LYPD6B: variants seen among roughly 807,000 people sequenced by gnomAD.
LYPD6B encodes LY6/PLAUR domain containing 6B, also known as ly6/PLAUR domain-containing protein 6B.
Under a neutral mutation model 22.8 loss-of-function variants are expected in LYPD6B, and 17 were observed. The ratio of observed to expected loss-of-function variants is 0.75; its 90% CI spans 0.51 to 1.12. The LOEUF (loss-of-function observed/expected upper bound fraction) is 1.12. Ranked by LOEUF, LYPD6B falls within the 50% of genes most tolerant of loss-of-function variation. LYPD6B has a pLI of 0.00. For missense variants in LYPD6B, 221 were observed against 258.3 expected, an observed-to-expected ratio of 0.86 and a Z score of 0.99; for synonymous variants, 106 against 91.6, an observed-to-expected ratio of 1.16 and a Z score of -0.90.
chr2:149,054,502 T>G (rs1683699800), intron 1 of LYPD6B, among the ~76,000 whole-genome samples: 1 of 152,214 alleles, frequency 6.6e-6, no homozygotes. Flanking sequence ...AGACCCTTAT[T>G]GGATATAAGA....
chr2:149,095,326 A>G (rs1685854305), intron 1 of LYPD6B, among the ~76,000 whole-genome samples: 2 of 152,192 alleles, frequency 1.3e-5, no homozygotes, highest in African/African-American at 2.4e-5. Context: ...AAATAAAGGC[A>G]AAAGTTGGAA....
At chr2:149,193,088 G>C (rs2106072968) in intron 3 of LYPD6B, among the ~76,000 whole-genome samples, 1 of 152,164 alleles carries the variant, frequency 6.6e-6, no homozygotes, top group Middle Eastern at 3.4e-3. Context: ...CGGGTACAGT[G>C]GGCTCCACAT....
chr2:149,108,808 A>G (rs1686622400), intron 1 of LYPD6B, among the ~76,000 whole-genome samples: 1 of 152,154 alleles, frequency 6.6e-6, no homozygotes, highest in Admixed American at 6.5e-5. Flanking sequence ...GTTTTTAAAA[A>G]ATAATTCCAT....
At chr2:149,184,707 A>G (rs1327827421) in intron 3 of LYPD6B, among the ~76,000 whole-genome samples, 1 of 151,902 alleles carries the variant, frequency 6.6e-6, no homozygotes, top group African/African-American at 2.4e-5. Flanking sequence ...CTGCACTCCA[A>G]CCTCTGTCTC....
At position 149,188,128 on chromosome 2, in the gene LYPD6B, G is replaced by T. The variant is rs949340949; in HGVS notation, c.78-17125G>T. Reference sequence around the variant, plus strand: ...GGGTACAGCATTCCTAGTTTCTTTTGCTCACCTGTATGGATGTTGTGAAGA... The same window carrying T: ...GGGTACAGCATTCCTAGTTTCTTTTTCTCACCTGTATGGATGTTGTGAAGA... On this transcript the variant is annotated intron_variant, in intron 3 of 6. Coordinates refer to ENST00000409642, the MANE Select transcript of LYPD6B (RefSeq NM_177964.5). 2.0e-5 allele frequency among the ~76,000 whole-genome samples: 3 copies of T among 152,088 alleles called. No homozygotes were observed. The South Asian group carries it at 6.2e-4, about 32-fold the overall frequency.
chr2:149,049,340 C>T (rs1284663027), intron 1 of LYPD6B, among the ~76,000 whole-genome samples: 3 of 152,194 alleles, frequency 2.0e-5, no homozygotes, highest in African/African-American at 7.2e-5. Context: ...AGTATATGAG[C>T]ATGTGTGCAT....
intron 1 of LYPD6B, among the ~76,000 whole-genome samples, chr2:149,059,868 C>A (rs1028308455): frequency 1.3e-5 from 2 of 152,134 alleles, no homozygotes; most frequent in African/African-American, 2.4e-5. Context: ...GGAAATGGTT[C>A]CTTCAGAAGT....
At chr2:149,074,402 A>G (rs1316251090) in intron 1 of LYPD6B, among the ~76,000 whole-genome samples, 3 of 152,210 alleles carry the variant, frequency 2.0e-5, no homozygotes, top group Non-Finnish European at 2.9e-5. Context: ...TAATTATAGC[A>G]CATATCAGCC....
At chr2:149,039,137 G>A (rs932175319) in intron 1 of LYPD6B, among the ~76,000 whole-genome samples, 1 of 152,180 alleles carries the variant, frequency 6.6e-6, no homozygotes, top group Non-Finnish European at 1.5e-5. Context: ...GCCGAGGGGA[G>A]AGGAGATACT....
intron 1 of LYPD6B, among the ~76,000 whole-genome samples, chr2:149,082,984 G>C (rs138843755): frequency 6.6e-6 from 1 of 152,174 alleles, no homozygotes; most frequent in Non-Finnish European, 1.5e-5. Context: ...CCTCTGGACA[G>C]GAAACCTGAT....
At chr2:149,115,795 G>T (rs747863994) in intron 1 of LYPD6B, among the ~76,000 whole-genome samples, 3 of 152,136 alleles carry the variant, frequency 2.0e-5, no homozygotes, top group African/African-American at 7.2e-5. Flanking sequence ...CCAAGGTTTC[G>T]ATTACCTACG....
intron 1 of LYPD6B, among the ~76,000 whole-genome samples, chr2:149,115,924 T>A (rs1313775749): frequency 2.6e-5 from 4 of 152,258 alleles, no homozygotes; most frequent in Non-Finnish European, 5.9e-5. Context: ...GAGTCATTTC[T>A]TTGTTCAGCT....
At chr2:149,108,750 T>C (rs531493389) in intron 1 of LYPD6B, among the ~76,000 whole-genome samples, 1 of 152,302 alleles carries the variant, frequency 6.6e-6, no homozygotes, top group South Asian at 2.1e-4. Context: ...TCACCCCCTT[T>C]TGTTCTTTGT....
chr2:149,127,973 G>A (rs1479591255), intron 1 of LYPD6B, among the ~76,000 whole-genome samples: 1 of 149,936 alleles, frequency 6.7e-6, no homozygotes, highest in African/African-American at 2.5e-5. Context: ...TCAAAATATA[G>A]TACTGCATAG....
chr2:149,213,310 C>T (rs1693995029), intron 6 of LYPD6B, among the ~76,000 whole-genome samples, 188 bp downstream of exon 6: 1 of 146,190 alleles, frequency 6.8e-6, no homozygotes, highest in African/African-American at 2.4e-5. Flanking sequence ...GACCAAAGAA[C>T]AGAGACTCCA....
chr2:149,061,553 G>C (rs531105363), intron 1 of LYPD6B, among the ~76,000 whole-genome samples: 1 of 152,118 alleles, frequency 6.6e-6, no homozygotes, highest in Non-Finnish European at 1.5e-5. Context: ...AGGACAGGGG[G>C]AGGCAGCCCA....
chr2:149,178,680 A>G (rs1162151779), intron 3 of LYPD6B, among the ~76,000 whole-genome samples: 3 of 152,234 alleles, frequency 2.0e-5, no homozygotes, highest in Non-Finnish European at 4.4e-5. Flanking sequence ...AATACATTGT[A>G]GACATGATCT....
intron 3 of LYPD6B, among the ~76,000 whole-genome samples, chr2:149,173,061 A>G (rs1180719823): frequency 6.6e-6 from 1 of 151,786 alleles, no homozygotes; most frequent in Non-Finnish European, 1.5e-5. Context: ...TATATGTTCT[A>G]TGGGTTGAAT....
At chr2:149,126,005 CT>C (rs1450923268) in intron 1 of LYPD6B, among the ~76,000 whole-genome samples, 1 of 152,216 alleles carries the variant, frequency 6.6e-6, no homozygotes, top group Admixed American at 6.5e-5. Flanking sequence ...AAGATAACTA[CT>C]GTCAGTTTAT....
Sources: gnomAD v4.1 joint callset for allele counts (sites outside exome capture counted in the v4.1 genomes callset) on GRCh38, gnomAD v4.1.1 for gene constraint, MANE v1.5 for transcripts, NCBI Gene and HGNC (gene_info 2026-07-23, HGNC 2026-07-21) for gene names.